RTF1: variants seen among roughly 807,000 people sequenced by gnomAD.
RTF1 encodes RTF1 homolog, Paf1/RNA polymerase II complex component, also known as RNA polymerase-associated protein RTF1 homolog.
RTF1 carries 10 observed loss-of-function variants against 95.7 expected under a neutral mutation model. The ratio of observed to expected loss-of-function variants is 0.10; its 90% CI spans 0.06 to 0.18. The LOEUF (loss-of-function observed/expected upper bound fraction) is 0.18, where lower values mean the gene tolerates loss of function less well. Ranked by LOEUF, RTF1 falls within the 10% of genes least tolerant of loss-of-function variation. The pLI is 1.00. For missense variants in RTF1, 458 were observed against 875.6 expected, an observed-to-expected ratio of 0.52 and a Z score of 6.02; for synonymous variants, 305 against 311.8, an observed-to-expected ratio of 0.98 and a Z score of 0.23.
At chr15:41,455,203 A>T (rs1269780999) in intron 3 of RTF1, among the ~76,000 whole-genome samples, 1 of 151,108 alleles carries the variant, frequency 6.6e-6, no homozygotes, top group Non-Finnish European at 1.5e-5. Context: ...AATCCCTAAT[A>T]CTCTGGAGGC....
chr15:41,467,853 C>T (rs1406055224), intron 6 of RTF1, among the ~76,000 whole-genome samples: 4 of 151,984 alleles, frequency 2.6e-5, no homozygotes, highest in African/African-American at 9.7e-5. Context: ...GGTGCAAGCC[C>T]ATCTCTACTA....
chr15:41,443,648 C>T (rs2050746449), intron 2 of RTF1, among the ~76,000 whole-genome samples: 1 of 151,602 alleles, frequency 6.6e-6, no homozygotes, highest in Admixed American at 6.6e-5. Flanking sequence ...CACCTATAGT[C>T]CAGCAATTTG....
At chr15:41,450,917 C>T (rs1366769640) in intron 2 of RTF1, among the ~76,000 whole-genome samples, 3 of 152,090 alleles carry the variant, frequency 2.0e-5, no homozygotes, top group Non-Finnish European at 4.4e-5. Context: ...TGCTGCCCTG[C>T]ACTCCAGCCT....
intron 2 of RTF1, among the ~76,000 whole-genome samples, chr15:41,443,830 G>A (rs2050747414): frequency 6.6e-6 from 1 of 152,056 alleles, no homozygotes; most frequent in South Asian, 2.1e-4. Flanking sequence ...CACTTTGGGA[G>A]GCCGAGACAG....
At chr15:41,426,585 G>A (rs768857568) in intron 1 of RTF1, among the ~76,000 whole-genome samples, 4 of 146,072 alleles carry the variant, frequency 2.7e-5, no homozygotes, top group Non-Finnish European at 6.0e-5. Flanking sequence ...GATTACAAGC[G>A]TGAGCCACTG....
At chr15:41,422,139 A>G (rs753672308) in intron 1 of RTF1, among the ~76,000 whole-genome samples, 3 of 152,128 alleles carry the variant, frequency 2.0e-5, no homozygotes, top group East Asian at 1.9e-4. Context: ...GGTTCAAGCA[A>G]TTCTCCTGCC....
chr15:41,451,264 CAA>C (rs1001586964), intron 2 of RTF1, among the ~76,000 whole-genome samples: 9 of 152,062 alleles, frequency 5.9e-5, no homozygotes, highest in African/African-American at 2.2e-4. Flanking sequence ...CTGTGATAAT[CAA>C]AAGATGATTA....
chr15:41,465,099 T>C (rs1595437260), intron 5 of RTF1, among the ~76,000 whole-genome samples: 2 of 152,180 alleles, frequency 1.3e-5, no homozygotes, highest in East Asian at 3.9e-4. Flanking sequence ...CTTTTTCCTT[T>C]TCTTTTTTCT....
At chr15:41,471,383 C>T (rs761116493) in intron 8 of RTF1, 34 bp downstream of exon 8, 19 of 1,579,496 alleles carry the variant, frequency 1.2e-5, no homozygotes, top group South Asian at 5.9e-5. Context: ...ATTGTCCATG[C>T]TTTCAGTATA....
intron 2 of RTF1, among the ~76,000 whole-genome samples, chr15:41,441,335 ACCCTTG>A (rs2050735000): frequency 6.6e-6 from 1 of 151,944 alleles, no homozygotes; most frequent in South Asian, 2.1e-4. Context: ...GCTGTGGTCC[ACCCTTG>A]CCACTCAGTA....
intron 1 of RTF1, among the ~76,000 whole-genome samples, chr15:41,430,130 C>T (rs1408449220): frequency 1.4e-5 from 2 of 146,770 alleles, no homozygotes; most frequent in African/African-American, 5.0e-5. Context: ...GCCTCAGCTT[C>T]GTGAGTAGCT....
intron 1 of RTF1, among the ~76,000 whole-genome samples, chr15:41,428,507 A>T (rs763736965): frequency 2.7e-4 from 41 of 150,244 alleles, no homozygotes; most frequent in Non-Finnish European, 5.3e-4. Context: ...TGACCTTGTG[A>T]TCCGCCCACC....
At chr15:41,428,933 C>T (rs537387801) in intron 1 of RTF1, among the ~76,000 whole-genome samples, 38 of 152,182 alleles carry the variant, frequency 2.5e-4, no homozygotes, top group African/African-American at 8.9e-4. Context: ...GACGGGGTTT[C>T]GTCATGTTGG....
At chr15:41,435,851 T>A (rs372435045) in intron 1 of RTF1, among the ~76,000 whole-genome samples, 2 of 152,208 alleles carry the variant, frequency 1.3e-5, no homozygotes, top group African/African-American at 4.8e-5. Flanking sequence ...GTTTATTAGC[T>A]GTATCTTCTC....
chr15:41,476,553 C>A, intron 12 of RTF1, 30 bp downstream of exon 12: 2 of 1,573,264 alleles, frequency 1.3e-6, no homozygotes, highest in Non-Finnish European at 1.7e-6. Context: ...CCTCTTTCCT[C>A]ATCCTGTAAG....
chr15:41,472,326 C>A (rs2050916943), intron 8 of RTF1, among the ~76,000 whole-genome samples: 1 of 151,366 alleles, frequency 6.6e-6, no homozygotes, highest in Non-Finnish European at 1.5e-5. Context: ...CCTGCCTCAG[C>A]CTCCCGAGTA....
At chr15:41,468,494 T>C (rs1476593549) in intron 6 of RTF1, among the ~76,000 whole-genome samples, 2 of 152,008 alleles carry the variant, frequency 1.3e-5, no homozygotes, top group Non-Finnish European at 2.9e-5. Context: ...ATTTTTTGTA[T>C]TTTTAGTAGA....
intron 4 of RTF1, among the ~76,000 whole-genome samples, chr15:41,459,748 A>T (rs2050838023): frequency 6.6e-6 from 1 of 152,180 alleles, no homozygotes; most frequent in Admixed American, 6.5e-5. Flanking sequence ...TATTTTTTTA[A>T]AAAGTCAAGT....
chr15:41,471,381 T>C (rs767505986), intron 8 of RTF1, 32 bp downstream of exon 8: 1 of 1,584,006 alleles, frequency 6.3e-7, no homozygotes, highest in African/African-American at 1.3e-5. Flanking sequence ...CAATTGTCCA[T>C]GCTTTCAGTA....
Sources: gnomAD v4.1 joint callset for allele counts (sites outside exome capture counted in the v4.1 genomes callset) on GRCh38, gnomAD v4.1.1 for gene constraint, MANE v1.5 for transcripts, NCBI Gene and HGNC (gene_info 2026-07-23, HGNC 2026-07-21) for gene names.